ARPC2: variants seen among roughly 807,000 people sequenced by gnomAD.
ARPC2 encodes the protein actin-related protein 2/3 complex subunit 2.
ARPC2 carries 4 observed loss-of-function variants against 38.6 expected under a neutral mutation model. The ratio of observed to expected loss-of-function variants is 0.10; its 90% confidence interval spans 0.05 to 0.24. The LOEUF is 0.24. ARPC2 is among the 10% of genes least tolerant of loss of function. The pLI, the probability that ARPC2 is intolerant of heterozygous loss-of-function variation, is 1.00. For synonymous variants in ARPC2, 125 were observed against 140.8 expected, an observed-to-expected ratio of 0.89 and a Z score of 0.79; for missense variants, 229 against 387.3, an observed-to-expected ratio of 0.59 and a Z score of 3.43.
rs753993347 is a variant in ARPC2, at chr2:218,217,463, C to T, written c.-8C>T. 2 of 1,613,760 alleles carry T rather than the reference C, an allele frequency of 1.2e-6. No homozygotes were observed. Among genetic ancestry groups the T allele is most frequent in the South Asian group, 1.1e-5 (1 of 91,064 alleles). On this transcript the variant is annotated splice_region_variant and 5_prime_UTR_variant, in exon 2 of 11. Transcript: ENST00000315717. ...TTGTTTCTCCTTCCCCTGGGGGCAG[C>T]CGCCGCCATGATCCTGCTGGAGGTG...
chr2:218,246,573 G>T (rs1690037689), intron 8 of ARPC2, among the ~76,000 whole-genome samples: 1 of 152,004 alleles, frequency 6.6e-6, no homozygotes, highest in Non-Finnish European at 1.5e-5. Flanking sequence ...GGGCACAGTG[G>T]CTCATACCTG....
At chr2:218,229,604 T>C (rs1689583690) in intron 4 of ARPC2, among the ~76,000 whole-genome samples, 1 of 152,248 alleles carries the variant, frequency 6.6e-6, no homozygotes. Context: ...CATAGCTGTT[T>C]CTTTCTGAAA....
intron 10 of ARPC2, chr2:218,252,910 T>C (rs1559485386): frequency 2.2e-6 from 1 of 456,670 alleles, no homozygotes; most frequent in South Asian, 1.5e-5. Flanking sequence ...CTCTGGGACT[T>C]AGAAAGAGCA....
intron 5 of ARPC2, among the ~76,000 whole-genome samples, chr2:218,237,373 A>G (rs888521252): frequency 6.6e-6 from 1 of 151,250 alleles, no homozygotes; most frequent in Non-Finnish European, 1.5e-5. Context: ...CTAATTTTGT[A>G]TTTTTATTAG....
rs1300108852 is a variant in ARPC2 at position 218,234,765 on chromosome 2, A to G, written c.268+368A>G. On this transcript the variant is annotated intron_variant, in intron 5 of 10. Transcript: ENST00000315717. ...TCGGCCCTTAGTAATTCTGCATACT[A>G]CATATTTGGAGAAAGAAGAGGAATA... 3.8e-5 allele frequency: 18 copies of G among 468,358 alleles called. No individual in the cohort carries two copies. In the East Asian group the frequency reaches 1.2e-3, roughly 31 times the overall value. The allele number at this position is 468,358 out of a possible 1,614,324, so 29.0% of individuals were successfully genotyped here.
intron 10 of ARPC2, among the ~76,000 whole-genome samples, chr2:218,251,316 A>G (rs532922405): frequency 6.6e-6 from 1 of 152,232 alleles, no homozygotes; most frequent in South Asian, 2.1e-4. Flanking sequence ...GGTTCAAGCA[A>G]TTCTCTTGCC....
At chr2:218,249,614 T>C in intron 9 of ARPC2, 150 bp downstream of exon 9, 1 of 765,982 alleles carries the variant, frequency 1.3e-6, no homozygotes, top group Non-Finnish European at 2.1e-6. Flanking sequence ...TGGTCTTTCT[T>C]CATCAAGCCA....
rs1311626536 is a variant in ARPC2 at position 218,246,373 on chromosome 2, CAAAG to C, written c.676+831_676+834del. On this transcript the variant is annotated intron_variant, in intron 8 of 10. Coordinates refer to ENST00000315717, the MANE Select transcript of ARPC2 (RefSeq NM_152862.3). ...CACTCCGTCTCTACCAAAAAAATAA[CAAAG>C]AAATTAGCTGGGCGTGGTGGTGTGC... Among the ~76,000 whole-genome samples, 7 of 151,118 alleles carry C rather than the reference CAAAG, an allele frequency of 4.6e-5. No homozygotes were observed. The East Asian group carries it at 5.9e-4, about 13-fold the overall frequency.
At position 218,228,808 on chromosome 2, in the gene ARPC2, T is replaced by C; in HGVS notation, c.180T>C (p.Ser60=). The C allele has an allele frequency of 2.5e-6, 4 of 1,610,810 alleles. No homozygotes were observed. Among genetic ancestry groups the C allele is most frequent in the Non-Finnish European group, 3.4e-6 (4 of 1,176,998 alleles). ...AAACAAAAGTGATGGTCAGTATTTC[T>C]TTGAAATTCTACAAGGAACTTCAGG... ...GDKTKVMVSI[S]LKFYKELQAH... Residue 60 remains serine, a synonymous_variant, in exon 4 of 11, where the codon TCT becomes TCC. Transcript: ENST00000315717.
chr2:218,217,553 G>A lies in ARPC2; in HGVS notation c.74+9G>A, dbSNP rs374820729. On this transcript the variant is annotated intron_variant, in intron 2 of 10. Transcript: ENST00000315717. ...GAGAACGCGGCCGCCGGGTGAGCGC[G>A]CGCCCGGGGCCGGGGGTGGCGGGGG... 1 of 1,609,176 alleles carries A rather than the reference G, an allele frequency of 6.2e-7. No homozygotes were observed. The highest frequency in any genetic ancestry group is 8.5e-7 in the Non-Finnish European group (1 of 1,177,658).
intron 3 of ARPC2, among the ~76,000 whole-genome samples, chr2:218,226,578 G>C (rs1689501712): frequency 8.1e-6 from 1 of 122,704 alleles, no homozygotes; most frequent in Admixed American, 1.1e-4. Flanking sequence ...GCAGTGAGCA[G>C]ACATCGCGCC....
At chr2:218,247,901 C>T (rs781204148) in intron 8 of ARPC2, among the ~76,000 whole-genome samples, 2 of 151,330 alleles carry the variant, frequency 1.3e-5, no homozygotes, top group South Asian at 2.1e-4. Flanking sequence ...CAAGATCACG[C>T]GACTGCACTC....
intron 5 of ARPC2, chr2:218,235,076 A>T (rs999487374): frequency 7.2e-6 from 2 of 277,184 alleles, no homozygotes; most frequent in Non-Finnish European, 1.4e-5. Context: ...AATATTTTTT[A>T]CTCAACTATT....
In ARPC2 at chr2:218,245,465, C is replaced by G. The variant is rs1041935451; in HGVS notation, c.595C>G (p.Leu199Val). The change falls in exon 8 of 11, where the codon CTC becomes GTC. Residue 199 changes from leucine to valine, a missense_variant. Transcript: ENST00000315717. Reference protein sequence around the residue: ...RRASHTAPQVLFSHREPPLEL... With the variant: ...RRASHTAPQVVFSHREPPLEL... ...AGCCAGCCACACAGCCCCACAGGTC[C>G]TCTTTAGCCACAGGGAACCTCCTCT... 2.0e-5 allele frequency: 33 copies of G among 1,614,036 alleles called. No individual in the cohort carries two copies. The highest frequency in any genetic ancestry group is 1.8e-4 in the Admixed American group (11 of 59,998).
At chr2:218,217,288 C>T (rs1689268660) in intron 1 of ARPC2, 34 bp downstream of exon 1, 3 of 615,076 alleles carry the variant, frequency 4.9e-6, no homozygotes, top group South Asian at 3.8e-5. Context: ...CCACAGTCTG[C>T]GTGCGTGGGC....
chr2:218,232,829 G>A (rs923347526), intron 4 of ARPC2, among the ~76,000 whole-genome samples: 1 of 151,946 alleles, frequency 6.6e-6, no homozygotes. Flanking sequence ...CCCCGCCTCG[G>A]CCTCCCAAAG....
At chr2:218,224,835 A>G (rs1239364657) in intron 2 of ARPC2, among the ~76,000 whole-genome samples, 1 of 152,242 alleles carries the variant, frequency 6.6e-6, no homozygotes, top group Non-Finnish European at 1.5e-5. Context: ...TTTAACACTC[A>G]TAAACCATGT....
intron 2 of ARPC2, among the ~76,000 whole-genome samples, chr2:218,222,775 T>C (rs1431400496): frequency 6.6e-6 from 1 of 152,214 alleles, no homozygotes; most frequent in Admixed American, 6.5e-5. Flanking sequence ...ATTTCATTTC[T>C]GTGACAGATA....
chr2:218,253,835 G>A (rs1690251055), intron 10 of ARPC2, 56 bp from the exon 11 acceptor site: 2 of 1,603,538 alleles, frequency 1.2e-6, no homozygotes, highest in South Asian at 2.2e-5. Flanking sequence ...AGGAGTGTGG[G>A]GTGGGAGGAA....
Sources: allele counts gnomAD v4.1 joint callset (sites outside exome capture counted in the v4.1 genomes callset), GRCh38; gene constraint gnomAD v4.1.1; transcripts MANE v1.5; gene names NCBI Gene and HGNC (gene_info 2026-07-23, HGNC 2026-07-21).